Variants in ASH1L observed in about 807,000 individuals in gnomAD.
ASH1L encodes the protein ASH1 like histone lysine methyltransferase, also known as histone-lysine N-methyltransferase ASH1L.
ASH1L carries 23 observed loss-of-function variants against 269.0 expected under a neutral mutation model. The ratio of observed to expected loss-of-function variants is 0.09; its 90% CI spans 0.06 to 0.12. ASH1L has a LOEUF of 0.12. Among genes scored for constraint, ASH1L ranks in the 10% least tolerant of loss-of-function variants. The pLI, the probability that ASH1L is intolerant of heterozygous loss-of-function variation, is 1.00. For synonymous variants in ASH1L, 1,187 were observed against 1,253.5 expected, an observed-to-expected ratio of 0.95 and a Z score of 1.12; for missense variants, 2,912 against 3,567.8, an observed-to-expected ratio of 0.82 and a Z score of 4.68.
At chr1:155,541,296 G>T (rs1188110520) in intron 1 of ASH1L, among the ~76,000 whole-genome samples, 1 of 151,914 alleles carries the variant, frequency 6.6e-6, no homozygotes, top group Non-Finnish European at 1.5e-5. Context: ...TAGGCAAAAT[G>T]AAACTTAAAA....
chr1:155,562,324 A>T lies in ASH1L; in HGVS notation c.-271T>A. 1 of 1,578,466 alleles carries T rather than the reference A, an allele frequency of 6.3e-7. No homozygotes were observed. The highest frequency in any genetic ancestry group is 8.7e-7 in the Non-Finnish European group (1 of 1,151,796). On this transcript the variant is annotated 5_prime_UTR_variant, in exon 1 of 28. Coordinates refer to ENST00000392403, the MANE Select transcript of ASH1L (RefSeq NM_018489.3). ...GCGGAAATGCGAGAGAGGAGAAGGG[A>T]AAGGTGGAAGGCTAAAGGGGGCAAA...
chr1:155,335,942 G>A lies in ASH1L; in HGVS notation c.*1718C>T, dbSNP rs1462715458. ...GAAAAACAAAAGAAACCACTCAAAC[G>A]GGCTTGGACATGCGATTTTTCCAGC... is the stretch of plus-strand genomic sequence containing the variant. On this transcript the variant is annotated 3_prime_UTR_variant, in exon 28 of 28. Coordinates refer to ENST00000392403, the MANE Select transcript of ASH1L (RefSeq NM_018489.3). 2 of 149,940 alleles carry A rather than the reference G, an allele frequency of 1.3e-5. No individual in the cohort carries two copies. Among genetic ancestry groups the A allele is most frequent in the African/African-American group, 2.5e-5 (1 of 40,676 alleles). The allele number at this position is 149,940 out of a possible 1,614,324, so 9.3% of individuals were successfully genotyped here.
intron 1 of ASH1L, among the ~76,000 whole-genome samples, chr1:155,528,114 T>C (rs1413732080): frequency 6.6e-6 from 1 of 152,204 alleles, no homozygotes; most frequent in African/African-American, 2.4e-5. Context: ...CATATCTAAA[T>C]GCTTACTTGA....
rs532301931 is a variant in ASH1L, at chr1:155,406,771, G to A, written c.6008+8973C>T. Among the ~76,000 whole-genome samples, 3 of 152,156 alleles carry A rather than the reference G, an allele frequency of 2.0e-5. No homozygotes were observed. In the South Asian group the frequency reaches 6.2e-4, roughly 32 times the overall value. ...TGAACAGTAACAATATATTATTACT[G>A]GCATAACAATAGTCACGGTCAATAA... is the stretch of plus-strand genomic sequence containing the variant. On this transcript the variant is annotated intron_variant, in intron 6 of 27. Coordinates refer to ENST00000392403, the MANE Select transcript of ASH1L (RefSeq NM_018489.3).
intron 7 of ASH1L, among the ~76,000 whole-genome samples, chr1:155,394,654 T>G (rs1340223208): frequency 6.6e-6 from 1 of 152,198 alleles, no homozygotes; most frequent in Non-Finnish European, 1.5e-5. Flanking sequence ...TGGTACTTTT[T>G]ACTTATCTGA....
chr1:155,382,514 G>A (rs747824561), intron 7 of ASH1L, among the ~76,000 whole-genome samples: 21 of 151,824 alleles, frequency 1.4e-4, no homozygotes, highest in Non-Finnish European at 2.5e-4. Context: ...ACAAACAAAC[G>A]AACAAACAAA....
intron 2 of ASH1L, among the ~76,000 whole-genome samples, chr1:155,506,457 G>A (rs1419561655): frequency 1.3e-5 from 2 of 152,156 alleles, no homozygotes; most frequent in Non-Finnish European, 2.9e-5. Flanking sequence ...AGCACTTTGG[G>A]AGGCCGAAGT....
intron 5 of ASH1L, among the ~76,000 whole-genome samples, chr1:155,435,223 GCTAAA>G (rs1329781304): frequency 6.6e-6 from 1 of 152,106 alleles, no homozygotes; most frequent in Non-Finnish European, 1.5e-5. Context: ...GTTGGGAATG[GCTAAA>G]CTAATCAATA....
chr1:155,512,746 A>G (rs923368068), intron 2 of ASH1L, among the ~76,000 whole-genome samples: 21 of 151,886 alleles, frequency 1.4e-4, no homozygotes, highest in African/African-American at 5.1e-4. Context: ...TTAAAAAACA[A>G]AAAAACACAT....
chr1:155,395,554 C>A lies in ASH1L; in HGVS notation c.6009-1G>T. On this transcript the variant is annotated splice_acceptor_variant, in intron 6 of 27. Coordinates refer to ENST00000392403, the MANE Select transcript of ASH1L (RefSeq NM_018489.3). LOFTEE classifies it high-confidence loss of function. ...TAATTGGATCAATCGACTCTTTGGGCTGTGATAAAAAAAGAATGGGAAACA... is the reference window on the plus strand; with the variant it reads ...TAATTGGATCAATCGACTCTTTGGGATGTGATAAAAAAAGAATGGGAAACA... 6.2e-7 allele frequency: 1 copy of A among 1,602,128 alleles called. No individual in the cohort carries two copies.
At chr1:155,433,109 G>T in intron 5 of ASH1L, 1 of 1,363,440 alleles carries the variant, frequency 7.3e-7, no homozygotes, top group South Asian at 1.5e-5. Flanking sequence ...TACCAAAATA[G>T]ACTGATAGAA....
chr1:155,388,650 C>T (rs1657640300), intron 7 of ASH1L, among the ~76,000 whole-genome samples: 1 of 150,922 alleles, frequency 6.6e-6, no homozygotes, highest in Admixed American at 6.6e-5. Context: ...ACAACCCCAG[C>T]CTTTCTCTTT....
intron 7 of ASH1L, among the ~76,000 whole-genome samples, chr1:155,384,745 T>A (rs1657278998): frequency 6.6e-6 from 1 of 152,142 alleles, no homozygotes; most frequent in Non-Finnish European, 1.5e-5. Context: ...TCGGCATATA[T>A]TTGTTTGAGT....
At chr1:155,349,262 A>C in intron 19 of ASH1L, 65 bp downstream of exon 19, 1 of 1,547,616 alleles carries the variant, frequency 6.5e-7, no homozygotes, top group South Asian at 1.2e-5. Context: ...TAAAAATCTT[A>C]AACTTCTAGA....
Position 155,478,936 on chromosome 1 carries a change from G to A in ASH1L, c.3934C>T (p.Pro1312Ser), listed in dbSNP as rs922849089. The A allele has an allele frequency of 6.2e-7, 1 of 1,613,768 alleles. No individual in the cohort carries two copies. The highest frequency in any genetic ancestry group is 8.5e-7 in the Non-Finnish European group (1 of 1,179,996). ...AAGATAGTTGGCAGAAGATCTCGGG[G>A]GATAAAATGATGACTTCGATGAGTG... ...RITHRSHHFI[P>S]RDLLPTIFRI... The change falls in exon 3 of 28, where the codon CCC becomes TCC. Residue 1312 changes from proline to serine, a missense_variant. By Grantham distance (74) the Pro-to-Ser change is moderately conservative (BLOSUM62 -1). This residue lies in a region of ASH1L where 789 missense variants were observed against 897.6 expected (regional missense o/e 0.88). Coordinates refer to ENST00000392403, the MANE Select transcript of ASH1L (RefSeq NM_018489.3). The surrounding 1 kb of genome is among the most constrained non-coding windows in gnomAD (Gnocchi z 4.6).
chr1:155,353,096 G>C (rs1654072051), intron 16 of ASH1L, among the ~76,000 whole-genome samples: 1 of 152,200 alleles, frequency 6.6e-6, no homozygotes, highest in Non-Finnish European at 1.5e-5. Flanking sequence ...CAGTATAGCA[G>C]TTGTAAGTCT....
chr1:155,514,368 ATTG>A (rs1342246542), intron 2 of ASH1L, among the ~76,000 whole-genome samples: 1 of 152,238 alleles, frequency 6.6e-6, no homozygotes, highest in Non-Finnish European at 1.5e-5. Context: ...AAACTATATA[ATTG>A]TTATAAACTA....
chr1:155,378,485 A>T lies in ASH1L; in HGVS notation c.6223+18T>A, dbSNP rs778947411. 16 of 1,613,210 alleles carry T rather than the reference A, an allele frequency of 9.9e-6. No homozygotes were observed. The highest frequency in any genetic ancestry group is 1.4e-5 in the Non-Finnish European group (16 of 1,179,456). On this transcript the variant is annotated intron_variant, in intron 9 of 27. Coordinates refer to ENST00000392403, the MANE Select transcript of ASH1L (RefSeq NM_018489.3). ...ATTAACGTATAGAGGCAGAAAAAAT[A>T]GCTCCTAAGTTACTCACTTGAACGA... is the stretch of plus-strand genomic sequence containing the variant.
chr1:155,457,624 G>T (rs1007499008), intron 4 of ASH1L, among the ~76,000 whole-genome samples: 2 of 152,136 alleles, frequency 1.3e-5, no homozygotes, highest in African/African-American at 4.8e-5. Context: ...TTTGTACACT[G>T]CTCTGTTACA....
Sources: allele counts gnomAD v4.1 joint callset (sites outside exome capture counted in the v4.1 genomes callset), GRCh38; gene constraint gnomAD v4.1.1; regional missense constraint gnomAD v4.1.1; non-coding constraint Gnocchi (gnomAD v3.1); transcripts MANE v1.5; gene names NCBI Gene and HGNC (gene_info 2026-07-23, HGNC 2026-07-21).